PRIM2: variants seen among roughly 807,000 people sequenced by gnomAD.
PRIM2 encodes the protein DNA primase large subunit.
A neutral mutation model predicts 67.3 loss-of-function variants in PRIM2; 39 were observed. The ratio of observed to expected loss-of-function variants is 0.58; its 90% CI spans 0.45 to 0.76. The LOEUF (loss-of-function observed/expected upper bound fraction) is 0.76. PRIM2 is among the 30% of genes least tolerant of loss of function. PRIM2 has a pLI of 0.00. For synonymous variants in PRIM2, 143 were observed against 198.7 expected (o/e 0.72, Z 2.36); for missense variants, 398 against 598.7 (o/e 0.66, Z 3.50).
intron 7 of PRIM2, among the ~76,000 whole-genome samples, chr6:57,481,423 G>A (rs1161400007): frequency 7.2e-5 from 11 of 152,100 alleles, no homozygotes; most frequent in Admixed American, 7.2e-4. Context: ...CATCCAAGTT[G>A]TTGCATATAT....
intron 5 of PRIM2, among the ~76,000 whole-genome samples, chr6:57,347,780 A>G (rs1730675164): frequency 6.6e-6 from 1 of 152,232 alleles, no homozygotes; most frequent in Non-Finnish European, 1.5e-5. Flanking sequence ...CAGCTCCATG[A>G]GGAAACTGAA....
At chr6:57,525,717 C>T (rs1385930567) in intron 8 of PRIM2, among the ~76,000 whole-genome samples, 4 of 152,200 alleles carry the variant, frequency 2.6e-5, no homozygotes, top group Admixed American at 2.6e-4. Flanking sequence ...GCACACATTG[C>T]CTACCTTCTC....
At chr6:57,292,672 C>T in the PRIM2 span, among the ~76,000 whole-genome samples, 32 of 151,786 alleles carry the variant, frequency 2.1e-4, no homozygotes, top group African/African-American at 6.0e-4. Context: ...TAGAGGCCTC[C>T]GAAATAACAC....
intron 12 of PRIM2, among the ~76,000 whole-genome samples, chr6:57,610,416 A>C (rs1776646650): frequency 1.3e-5 from 2 of 152,186 alleles, no homozygotes; most frequent in Non-Finnish European, 2.9e-5. Flanking sequence ...CAGAAAAGAG[A>C]TCATTGTGAC....
chr6:57,454,824 T>C (rs1327700697), intron 7 of PRIM2, among the ~76,000 whole-genome samples: 1 of 152,032 alleles, frequency 6.6e-6, no homozygotes, highest in Admixed American at 6.6e-5. Context: ...TTGCCTTCTG[T>C]TAGCTTTTGA....
At chr6:57,547,178 C>G (rs2127473675) in intron 10 of PRIM2, among the ~76,000 whole-genome samples, 1 of 152,086 alleles carries the variant, frequency 6.6e-6, no homozygotes, top group African/African-American at 2.4e-5. Flanking sequence ...AATTTACAAG[C>G]CTGTCTACCT....
At chr6:57,411,876 A>G (rs1232548185) in intron 7 of PRIM2, among the ~76,000 whole-genome samples, 2 of 151,822 alleles carry the variant, frequency 1.3e-5, no homozygotes, top group East Asian at 1.9e-4. Flanking sequence ...ATATAGCAGC[A>G]TAGTATAAAT....
chr6:57,243,672 C>T, the PRIM2 span, among the ~76,000 whole-genome samples: 1 of 152,124 alleles, frequency 6.6e-6, no homozygotes, highest in East Asian at 1.9e-4. Flanking sequence ...GATGGGGCTT[C>T]ACCGTGTTGG....
At position 57,533,901 on chromosome 6, in the gene PRIM2, G is replaced by A. The variant is rs1322946808; in HGVS notation, c.834+1418G>A. On this transcript the variant is annotated intron_variant, in intron 9 of 13. Transcript: ENST00000615550. ...GGACAACATAATAAATAATAAATGA[G>A]CAATATAATGTTAAGTGCTATGATG... 4.6e-4 allele frequency among the ~76,000 whole-genome samples: 70 copies of A among 152,266 alleles called. 1 individual carries two copies. In the South Asian group the frequency reaches 0.013, roughly 29 times the overall value.
chr6:57,379,530 A>G (rs1463905248), intron 5 of PRIM2, among the ~76,000 whole-genome samples: 4 of 152,188 alleles, frequency 2.6e-5, no homozygotes, highest in African/African-American at 9.6e-5. Context: ...CAATTAGGAT[A>G]TTTTAATATA....
the PRIM2 span, among the ~76,000 whole-genome samples, chr6:57,260,058 C>T: frequency 6.6e-6 from 1 of 152,120 alleles, no homozygotes; most frequent in Non-Finnish European, 1.5e-5. Context: ...TGGCTGTTTC[C>T]AAGAGCATTC....
intron 5 of PRIM2, among the ~76,000 whole-genome samples, chr6:57,346,468 C>T (rs1055754761): frequency 6.6e-6 from 1 of 152,058 alleles, no homozygotes; most frequent in Non-Finnish European, 1.5e-5. Flanking sequence ...TACAGTCGCC[C>T]ACCACCATGC....
chr6:57,293,118 A>G, the PRIM2 span, among the ~76,000 whole-genome samples: 1 of 152,248 alleles, frequency 6.6e-6, no homozygotes, highest in Non-Finnish European at 1.5e-5. Flanking sequence ...TCCAGAATCT[A>G]CAAAGAACTT....
chr6:57,645,800 A>T, intron 13 of PRIM2, 128 bp from the exon 14 acceptor site: 1 of 623,710 alleles, frequency 1.6e-6, no homozygotes. Context: ...ATTAAGTGTT[A>T]GAATGCAAAC....
intron 5 of PRIM2, among the ~76,000 whole-genome samples, chr6:57,375,927 C>G (rs1445340072): frequency 6.6e-6 from 1 of 151,782 alleles, no homozygotes; most frequent in East Asian, 1.9e-4. Flanking sequence ...TAAAAAATGG[C>G]CAGGCATGGT....
intron 7 of PRIM2, among the ~76,000 whole-genome samples, chr6:57,410,808 C>G (rs1380664772): frequency 6.6e-6 from 1 of 151,916 alleles, no homozygotes; most frequent in African/African-American, 2.4e-5. Context: ...TTGTCTTGTT[C>G]CTGAACTTAA....
chr6:57,595,371 G>C (rs1776347505), intron 10 of PRIM2, among the ~76,000 whole-genome samples: 1 of 152,036 alleles, frequency 6.6e-6, no homozygotes, highest in African/African-American at 2.4e-5. Context: ...AGAGTATAGC[G>C]ACCAGATGTG....
chr6:57,416,675 T>A (rs1290605041), intron 7 of PRIM2, among the ~76,000 whole-genome samples: 2 of 152,190 alleles, frequency 1.3e-5, no homozygotes, highest in African/African-American at 4.8e-5. Context: ...TTTTTCATGA[T>A]CTTAGCTAGA....
chr6:57,522,802 C>A (rs1774653680), intron 8 of PRIM2, among the ~76,000 whole-genome samples: 1 of 152,194 alleles, frequency 6.6e-6, no homozygotes, highest in African/African-American at 2.4e-5. Flanking sequence ...TCAATGGTCA[C>A]ATTTGGCTAA....
Sources: allele counts gnomAD v4.1 joint callset (sites outside exome capture counted in the v4.1 genomes callset), GRCh38; gene constraint gnomAD v4.1.1; transcripts MANE v1.5; gene names NCBI Gene and HGNC (gene_info 2026-07-23, HGNC 2026-07-21).